Variants in MROH7 observed in about 807,000 individuals in gnomAD.
The protein encoded by MROH7 is maestro heat-like repeat-containing protein family member 7.
MROH7 carries 113 observed loss-of-function variants against 129.2 expected under a neutral mutation model. The ratio of observed to expected loss-of-function variants is 0.87; its 90% CI spans 0.75 to 1.02. MROH7 has a LOEUF of 1.02. Among genes scored for constraint, MROH7 ranks in the 50% least tolerant of loss-of-function variants. The probability of loss-of-function intolerance (pLI) is 0.00; values close to 1 mark genes in which losing one functional copy is unlikely to be tolerated. For missense variants in MROH7, 1,601 were observed against 1,671.3 expected, an observed-to-expected ratio of 0.96 and a Z score of 0.73; for synonymous variants, 655 against 667.9, an observed-to-expected ratio of 0.98 and a Z score of 0.30.
At chr1:54,674,187 C>T (rs780666866) in intron 10 of MROH7, 36 bp downstream of exon 10, 5 of 1,597,596 alleles carry the variant, frequency 3.1e-6, no homozygotes, top group African/African-American at 1.3e-5. Flanking sequence ...AGGAAGTCTT[C>T]TGAGTTGTTG....
intron 17 of MROH7, chr1:54,699,155 TTTCTTTTCTTTCTTTCTTTC>T (rs1645382871): frequency 1.3e-5 from 1 of 79,914 alleles, no homozygotes; most frequent in African/African-American, 4.8e-5. Flanking sequence ...TCTTTCTTTC[TTTCTTTTCTTTCTTTCTTTC>T]TTTCTTTCTT....
rs1382879296 is a variant in MROH7 at position 54,659,157 on chromosome 1, C to T, written c.1231+5000C>T. On this transcript the variant is annotated intron_variant, in intron 3 of 23. Coordinates refer to ENST00000421030, the MANE Select transcript of MROH7 (RefSeq NM_001039464.4). ...TTGCCCAGGCTGGAGTGCAATGGTGCGATCTCGGCTCACTGCAACCTCTGC... is the reference window on the plus strand; with the variant it reads ...TTGCCCAGGCTGGAGTGCAATGGTGTGATCTCGGCTCACTGCAACCTCTGC... The T allele has an allele frequency of 4.3e-5, 17 of 395,924 alleles. No individual in the cohort carries two copies. In the East Asian group the frequency reaches 4.6e-4, roughly 11 times the overall value. The allele number at this position is 395,924 out of a possible 1,614,324, so 24.5% of individuals were successfully genotyped here. A position where few individuals can be genotyped will look rare whatever the true frequency, so the allele number is the denominator to read the frequency against.
chr1:54,664,989 G>T (rs1306782597), intron 3 of MROH7, among the ~76,000 whole-genome samples, 178 bp from the exon 4 acceptor site: 1 of 152,108 alleles, frequency 6.6e-6, no homozygotes, highest in African/African-American at 2.4e-5. Flanking sequence ...TTGCACTCTA[G>T]CCTGGGCAAT....
chr1:54,642,975 C>T (rs1469753186), intron 1 of MROH7, among the ~76,000 whole-genome samples: 1 of 152,220 alleles, frequency 6.6e-6, no homozygotes, highest in Non-Finnish European at 1.5e-5. Context: ...ATGATGACAT[C>T]TTTCTTGAAG....
intron 16 of MROH7, among the ~76,000 whole-genome samples, chr1:54,694,637 T>G (rs912050043): frequency 6.6e-6 from 1 of 152,120 alleles, no homozygotes; most frequent in African/African-American, 2.4e-5. Context: ...CAGTCAATTT[T>G]TTTTGTATTT....
chr1:54,683,518 T>C (rs551235786), intron 14 of MROH7, among the ~76,000 whole-genome samples: 1 of 152,316 alleles, frequency 6.6e-6, no homozygotes, highest in East Asian at 1.9e-4. Context: ...ATTCTGCTCC[T>C]GCCCCTCCAA....
intron 18 of MROH7, 78 bp downstream of exon 18, chr1:54,700,539 C>T (rs1645419016): frequency 1.4e-6 from 2 of 1,392,332 alleles, no homozygotes; most frequent in Non-Finnish European, 1.9e-6. Context: ...CATTATAGTA[C>T]CTCAGAAGCC....
intron 17 of MROH7, chr1:54,699,104 TTCTTTCTTTC>T (rs1242200282): frequency 3.1e-5 from 2 of 63,840 alleles, no homozygotes; most frequent in Non-Finnish European, 6.9e-5. Flanking sequence ...TTTTCTTTCT[TTCTTTCTTTC>T]TTTCTTTCTT....
intron 14 of MROH7, among the ~76,000 whole-genome samples, chr1:54,685,119 T>G (rs1645127851): frequency 6.6e-6 from 1 of 151,858 alleles, no homozygotes; most frequent in South Asian, 2.1e-4. Context: ...CGGGTTGCAG[T>G]GATTCTCATG....
intron 3 of MROH7, among the ~76,000 whole-genome samples, chr1:54,655,159 C>A (rs1451962165): frequency 6.6e-6 from 1 of 151,022 alleles, no homozygotes; most frequent in Admixed American, 6.6e-5. Flanking sequence ...GGATTACAGG[C>A]GCCCACCACC....
At chr1:54,655,210 T>G (rs59059420) in intron 3 of MROH7, among the ~76,000 whole-genome samples, 1,778 of 152,002 alleles carry the variant, frequency 0.012, 79 homozygotes, top group Admixed American at 0.087. Context: ...AGACAAGGTT[T>G]TGCCATGTTG....
In MROH7 at chr1:54,679,247, A is replaced by C. The variant is rs1426215405; in HGVS notation, c.2050-16A>C. On this transcript the variant is annotated splice_polypyrimidine_tract_variant and intron_variant, in intron 11 of 23. Transcript: ENST00000421030. ...CTACCCATCAGTGTGTCATGATCTC[A>C]GCACCTTTGTTTCAGGAATTTGGAG... 1 of 1,614,036 alleles carries C rather than the reference A, an allele frequency of 6.2e-7. No individual in the cohort carries two copies. The highest frequency in any genetic ancestry group is 1.1e-5 in the South Asian group (1 of 91,076).
At position 54,679,377 on chromosome 1, in the gene MROH7, C is replaced by T. The variant is rs1340737610; in HGVS notation, c.2164C>T (p.Leu722=). Residue 722 remains leucine (L), a synonymous_variant, in exon 12 of 24, where the codon CTG becomes TTG. Transcript: ENST00000421030. ...GAAGGACTCCAGGGAGATGATGCAG[C>T]TGGCCTCGGAGGTCATGCTCAGCTC... The part of the protein sequence containing the change: ...PGKDSREMMQ[L]ASEVMLSSVL... 13 of 1,614,132 alleles carry T rather than the reference C, an allele frequency of 8.1e-6. No individual in the cohort carries two copies. Among genetic ancestry groups the T allele is most frequent in the Non-Finnish European group, 1.1e-5 (13 of 1,180,034 alleles).
chr1:54,702,896 C>A, intron 21 of MROH7, 151 bp downstream of exon 21: 1 of 904,026 alleles, frequency 1.1e-6, no homozygotes, highest in Non-Finnish European at 1.6e-6. Flanking sequence ...CCACCTCTGG[C>A]TTCTCTCCTG....
intron 1 of MROH7, among the ~76,000 whole-genome samples, chr1:54,642,191 G>T (rs1255405692): frequency 6.6e-6 from 1 of 152,202 alleles, no homozygotes; most frequent in Non-Finnish European, 1.5e-5. Context: ...CCCAGGGGAG[G>T]AAGGGATGGT....
chr1:54,653,654 A>C lies in MROH7; in HGVS notation c.728A>C (p.Asp243Ala), dbSNP rs935204366. ...GATTCTCATGGGACCCTAATCCCAG[A>C]CACAAATGAGACCATCACTTTGGCT... ...APDSHGTLIP[D>A]TNETITLASH... The change falls in exon 3 of 24, where the codon GAC becomes GCC. Residue 243 changes from aspartate (D) to alanine (A), a missense_variant. Asp to Ala is a moderately radical substitution (Grantham distance 126). Coordinates refer to ENST00000421030, the MANE Select transcript of MROH7 (RefSeq NM_001039464.4). 1 of 1,614,200 alleles carries C rather than the reference A, an allele frequency of 6.2e-7. No homozygotes were observed.
At chr1:54,670,665 C>A in intron 6 of MROH7, 89 bp downstream of exon 6, 3 of 1,258,934 alleles carry the variant, frequency 2.4e-6, no homozygotes, top group Non-Finnish European at 2.2e-6. Flanking sequence ...TACCCTCCCC[C>A]AACCCGCCCC....
Position 54,678,735 on chromosome 1 carries a change from C to A in MROH7, c.1937-7C>A. The stretch of plus-strand genomic sequence containing the variant: ...CCGGCCTCACTGAGAAGGTTCTCAT[C>A]TTGCAGGAGCCAGAGATAAGGAAGA... On this transcript the variant is annotated splice_polypyrimidine_tract_variant and splice_region_variant and intron_variant, in intron 10 of 23. Coordinates refer to ENST00000421030, the MANE Select transcript of MROH7 (RefSeq NM_001039464.4). 6.2e-7 allele frequency: 1 copy of A among 1,605,970 alleles called. No individual in the cohort carries two copies. Among genetic ancestry groups the A allele is most frequent in the Non-Finnish European group, 8.5e-7 (1 of 1,172,762 alleles).
chr1:54,678,623 G>A, intron 10 of MROH7, 119 bp from the exon 11 acceptor site: 4 of 692,270 alleles, frequency 5.8e-6, no homozygotes, highest in Non-Finnish European at 1.0e-5. Flanking sequence ...TGGCTACAAT[G>A]GTGTGTTCAC....
Sources: allele counts gnomAD v4.1 joint callset (sites outside exome capture counted in the v4.1 genomes callset), GRCh38; gene constraint gnomAD v4.1.1; transcripts MANE v1.5; gene names NCBI Gene and HGNC (gene_info 2026-07-23, HGNC 2026-07-21).